Variants in TRAPPC9 observed in about 807,000 individuals in gnomAD.
TRAPPC9 encodes trafficking protein particle complex subunit 9, also known as IKK2 binding protein.
Under a neutral mutation model 124.0 loss-of-function variants are expected in TRAPPC9, and 83 were observed. That is an observed-to-expected ratio of 0.67 (90% CI 0.56 to 0.80). The LOEUF (loss-of-function observed/expected upper bound fraction) is 0.80, where lower values mean the gene tolerates loss of function less well. TRAPPC9 is among the 30% of genes least tolerant of loss of function. The pLI is 0.00. For missense variants in TRAPPC9, 1,302 were observed against 1,508.3 expected (o/e 0.86, Z 2.27); for synonymous variants, 638 against 617.5 (o/e 1.03, Z -0.49).
chr8:140,438,949 C>G, intron 3 of TRAPPC9, 103 bp downstream of exon 3: 7 of 1,499,122 alleles, frequency 4.7e-6, no homozygotes, highest in Non-Finnish European at 6.5e-6. Context: ...CGTAGCCTCC[C>G]AAAGTGCTGG....
At chr8:139,982,708 A>C (rs1039872502) in intron 19 of TRAPPC9, among the ~76,000 whole-genome samples, 2 of 152,262 alleles carry the variant, frequency 1.3e-5, no homozygotes, top group African/African-American at 4.8e-5. Context: ...GACCTTTTAA[A>C]GGAGAGATTA....
intron 17 of TRAPPC9, among the ~76,000 whole-genome samples, chr8:140,220,159 A>C (rs1351348790): frequency 2.0e-5 from 3 of 152,260 alleles, no homozygotes; most frequent in Admixed American, 6.5e-5. Context: ...ACAAACAAGA[A>C]GAACAGCAAC....
At position 139,901,964 on chromosome 8, in the gene TRAPPC9, G is replaced by C. The variant is rs140278151; in HGVS notation, c.2964+8183C>G. On this transcript the variant is annotated intron_variant, in intron 20 of 22. Coordinates refer to ENST00000438773, the MANE Select transcript of TRAPPC9 (RefSeq NM_001160372.4). Reference sequence around the variant, plus strand: ...CAGAACGGTGCCTGGCATCTAGTAAGTGCCATATGGGTTTTAGCTGTTACT... The same window carrying C: ...CAGAACGGTGCCTGGCATCTAGTAACTGCCATATGGGTTTTAGCTGTTACT... 2.6e-5 allele frequency among the ~76,000 whole-genome samples: 4 copies of C among 152,300 alleles called. No individual in the cohort carries two copies. The East Asian group carries it at 7.7e-4, about 29-fold the overall frequency.
chr8:139,912,655 T>G (rs1457306363), intron 19 of TRAPPC9, among the ~76,000 whole-genome samples: 4 of 152,256 alleles, frequency 2.6e-5, no homozygotes, highest in African/African-American at 9.6e-5. Flanking sequence ...TGATCAGTTT[T>G]GAATCTTTGC....
rs1228643765 is a variant in TRAPPC9 at position 140,022,698 on chromosome 8, C to T, written c.2699+1239G>A. 2.6e-5 allele frequency among the ~76,000 whole-genome samples: 4 copies of T among 152,100 alleles called. No homozygotes were observed. The East Asian group carries it at 7.7e-4, about 29-fold the overall frequency. The stretch of plus-strand genomic sequence containing the variant: ...AAAGGGCCTGAAATACTCTAACATC[C>T]GCAGCCATCCTGGCCAAGCTTCCCC... On this transcript the variant is annotated intron_variant, in intron 18 of 22. Coordinates refer to ENST00000438773, the MANE Select transcript of TRAPPC9 (RefSeq NM_001160372.4).
intron 16 of TRAPPC9, chr8:140,238,296 C>T (rs1185953017): frequency 6.6e-6 from 1 of 152,214 alleles, no homozygotes; most frequent in Non-Finnish European, 1.5e-5. Flanking sequence ...GTGAGTCAAC[C>T]TCCCCACCTA....
intron 19 of TRAPPC9, among the ~76,000 whole-genome samples, chr8:139,978,444 G>C (rs934221838): frequency 3.3e-5 from 5 of 152,170 alleles, no homozygotes; most frequent in African/African-American, 1.2e-4. Flanking sequence ...GCATAATGAA[G>C]TATTGTGACA....
intron 20 of TRAPPC9, among the ~76,000 whole-genome samples, chr8:139,896,046 G>A (rs569900726): frequency 7.2e-5 from 11 of 152,176 alleles, no homozygotes. Context: ...GCATATTTCT[G>A]TATTAATTTG....
intron 15 of TRAPPC9, among the ~76,000 whole-genome samples, chr8:140,274,058 A>G (rs1387034856): frequency 6.6e-6 from 1 of 152,196 alleles, no homozygotes; most frequent in East Asian, 1.9e-4. Flanking sequence ...GCCTAAGATG[A>G]ATGCAAGAAC....
chr8:139,957,569 C>A (rs549853237), intron 19 of TRAPPC9, among the ~76,000 whole-genome samples: 1 of 152,314 alleles, frequency 6.6e-6, no homozygotes, highest in Admixed American at 6.5e-5. Context: ...TGGCGCCTGG[C>A]ACGTGTGCTC....
chr8:139,934,838 T>G (rs1329575646), intron 19 of TRAPPC9, among the ~76,000 whole-genome samples: 2 of 152,196 alleles, frequency 1.3e-5, no homozygotes, highest in African/African-American at 4.8e-5. Flanking sequence ...GTGACTGACC[T>G]GCAGCCACTC....
At chr8:140,423,814 A>T (rs1490735282) in intron 5 of TRAPPC9, among the ~76,000 whole-genome samples, 1 of 152,172 alleles carries the variant, frequency 6.6e-6, no homozygotes, top group African/African-American at 2.4e-5. Flanking sequence ...GCATACTGAC[A>T]CGTGCTATAC....
At position 140,070,279 on chromosome 8, in the gene TRAPPC9, T is replaced by C. The variant is rs144812507; in HGVS notation, c.2557-46200A>G. Among the ~76,000 whole-genome samples, 904 of 152,298 alleles carry C rather than the reference T, an allele frequency of 5.9e-3. 5 individuals are homozygous for C. The highest frequency in any genetic ancestry group is 9.0e-3 in the Admixed American group (137 of 15,302). ...ATTATTTTAAGGTAGAGGCAACATA[T>C]AGAAATGTCACAGCACAGATGATAT... On this transcript the variant is annotated intron_variant, in intron 17 of 22. Coordinates refer to ENST00000438773, the MANE Select transcript of TRAPPC9 (RefSeq NM_001160372.4).
At chr8:139,951,232 GC>G (rs1834626607) in intron 19 of TRAPPC9, among the ~76,000 whole-genome samples, 1 of 152,212 alleles carries the variant, frequency 6.6e-6, no homozygotes, top group African/African-American at 2.4e-5. Context: ...ATGCCTGCAG[GC>G]CCCACCGTTC....
At chr8:140,435,465 AT>A (rs1375004407) in intron 3 of TRAPPC9, among the ~76,000 whole-genome samples, 1 of 152,200 alleles carries the variant, frequency 6.6e-6, no homozygotes, top group Non-Finnish European at 1.5e-5. Flanking sequence ...TCCCATGCCC[AT>A]GTCCAGGCAG....
intron 19 of TRAPPC9, chr8:139,932,066 T>C: frequency 3.0e-6 from 1 of 337,146 alleles, no homozygotes; most frequent in South Asian, 2.3e-5. Context: ...AGAGCAATAA[T>C]ACAATTCAAA....
intron 17 of TRAPPC9, among the ~76,000 whole-genome samples, chr8:140,140,890 C>T (rs1165463329): frequency 6.6e-6 from 1 of 152,156 alleles, no homozygotes; most frequent in Non-Finnish European, 1.5e-5. Context: ...GTCAGTTTTC[C>T]CCTCAGCCAG....
intron 17 of TRAPPC9, among the ~76,000 whole-genome samples, chr8:140,124,730 C>T (rs55692543): frequency 1.3e-5 from 2 of 152,052 alleles, no homozygotes; most frequent in African/African-American, 2.4e-5. Flanking sequence ...AGGGGAGGAC[C>T]AAAATCACTC....
At chr8:140,038,367 C>T (rs530331608) in intron 17 of TRAPPC9, among the ~76,000 whole-genome samples, 104 of 152,338 alleles carry the variant, frequency 6.8e-4, no homozygotes, top group Non-Finnish European at 1.3e-3. Flanking sequence ...AGGCTGCATC[C>T]AAAGCTGGCC....
Sources: allele counts gnomAD v4.1 joint callset (sites outside exome capture counted in the v4.1 genomes callset), GRCh38; gene constraint gnomAD v4.1.1; transcripts MANE v1.5; gene names NCBI Gene and HGNC (gene_info 2026-07-23, HGNC 2026-07-21).